The following ALS2 variants were observed in gnomAD, a reference collection of about 807,000 sequenced individuals.
The protein encoded by ALS2 is alsin Rho guanine nucleotide exchange factor ALS2.
ALS2 carries 117 observed loss-of-function variants against 203.4 expected under a neutral mutation model. The observed-to-expected ratio is 0.58, with a 90% CI of 0.50 to 0.67. ALS2 has a LOEUF of 0.67. Among genes scored for constraint, ALS2 ranks in the 30% least tolerant of loss-of-function variants. The pLI is 0.00. For synonymous variants in ALS2, 718 were observed against 725.9 expected (o/e 0.99, Z 0.17); for missense variants, 1,715 against 1,989.4 (o/e 0.86, Z 2.62).
Position 201,700,958 on chromosome 2 carries a change from G to A in ALS2, c.*893C>T, listed in dbSNP as rs3219174. ...GAAGTATAGGGAAGAACAACACCAG[G>A]CTGGGGATCGATGCAGTTTTTTGCT... On this transcript the variant is annotated 3_prime_UTR_variant, in exon 34 of 34. Transcript: ENST00000264276. 0.059 allele frequency: 8,958 copies of A among 152,336 alleles called. 373 individuals are homozygous for A. Among genetic ancestry groups the A allele is most frequent in the East Asian group, 0.24 (1,215 of 5,164 alleles). 9.4% of individuals were successfully genotyped at this position (152,336 alleles called of 1,614,324 possible). A position where few individuals can be genotyped will look rare whatever the true frequency, so the allele number is the denominator to read the frequency against.
intron 1 of ALS2, among the ~76,000 whole-genome samples, chr2:201,771,623 C>G (rs910524625): frequency 6.6e-6 from 1 of 152,122 alleles, no homozygotes; most frequent in Non-Finnish European, 1.5e-5. Flanking sequence ...AAATGAAAAA[C>G]TTTTGTCTTT....
chr2:201,764,679 AAAT>A (rs1559086835), intron 3 of ALS2, among the ~76,000 whole-genome samples: 4 of 145,136 alleles, frequency 2.8e-5, no homozygotes, highest in East Asian at 2.1e-4. Flanking sequence ...ATAAATAAAT[AAAT>A]AAAAGTGAAT....
intron 23 of ALS2, chr2:201,720,189 A>G: frequency 2.6e-6 from 1 of 387,762 alleles, no homozygotes; most frequent in Non-Finnish European, 4.9e-6. Flanking sequence ...ATTACCTCTC[A>G]TAAATATGAA....
intron 25 of ALS2, among the ~76,000 whole-genome samples, chr2:201,714,354 C>T (rs938030586): frequency 6.6e-6 from 1 of 152,202 alleles, no homozygotes; most frequent in African/African-American, 2.4e-5. Context: ...ACCCTGGGCA[C>T]TGAGTCTCTA....
chr2:201,703,479 T>C (rs938884821), intron 33 of ALS2, among the ~76,000 whole-genome samples: 1 of 152,222 alleles, frequency 6.6e-6, no homozygotes, highest in Admixed American at 6.5e-5. Context: ...TATTTTATCT[T>C]CATTATTGTA....
rs183864580 is a variant in ALS2, at chr2:201,757,358, G to A, written c.1471+44C>T. 4.0e-5 allele frequency: 60 copies of A among 1,517,494 alleles called. No individual in the cohort carries two copies. In the East Asian group the frequency reaches 1.3e-3, roughly 32 times the overall value. 94.0% of individuals were successfully genotyped at this position (1,517,494 alleles called of 1,614,324 possible). A position where few individuals can be genotyped will look rare whatever the true frequency, so the allele number is the denominator to read the frequency against. On this transcript the variant is annotated intron_variant, in intron 5 of 33. Coordinates refer to ENST00000264276, the MANE Select transcript of ALS2 (RefSeq NM_020919.4). ...CAGCATGCGATGTCAGGAGCATCCT[G>A]GATTCCCCAAAAGTCAATTCACAAA...
chr2:201,742,699 CA>C (rs1692358468), intron 10 of ALS2, among the ~76,000 whole-genome samples: 1 of 152,180 alleles, frequency 6.6e-6, no homozygotes, highest in South Asian at 2.1e-4. Flanking sequence ...AACACAAATG[CA>C]GACAGTCCTC....
intron 23 of ALS2, chr2:201,720,079 T>C (rs971982565): frequency 1.8e-5 from 7 of 392,898 alleles, no homozygotes; most frequent in East Asian, 9.1e-5. Flanking sequence ...TTTCAGAAAA[T>C]AGGGGAGGAG....
chr2:201,701,890 C>G lies in ALS2; in HGVS notation c.4936-1G>C. On this transcript the variant is annotated splice_acceptor_variant, in intron 33 of 33. Transcript: ENST00000264276. LOFTEE classifies it high-confidence loss of function. ...CACGCTGAATCTGGTAGTAACATGCCTGGAAGAAAAGTTCAAAATAATTTC... is the reference window on the plus strand; with the variant it reads ...CACGCTGAATCTGGTAGTAACATGCGTGGAAGAAAAGTTCAAAATAATTTC... 1 of 1,613,548 alleles carries G rather than the reference C, an allele frequency of 6.2e-7. No homozygotes were observed.
At position 201,746,675 on chromosome 2, in the gene ALS2, T is replaced by C; in HGVS notation, c.1889A>G (p.Asp630Gly). The part of the protein sequence containing the change: ...DYSLFLVDTE[D>G]FQPGLYYSGR... ...ACTGTAATATAACCCAGGCTGGAAGTCTTCTGTATCCACTAAAAACAGGGA... is the reference window on the plus strand; with the variant it reads ...ACTGTAATATAACCCAGGCTGGAAGCCTTCTGTATCCACTAAAAACAGGGA... Residue 630 changes from aspartate (D) to glycine (G), a missense_variant, in exon 9 of 34, where the codon GAC (aspartate) becomes GGC (glycine). Asp to Gly is a moderately conservative substitution (Grantham distance 94). Around this residue, in one of 3 missense-constraint regions of ALS2, gnomAD observed 1,227 missense variants for 1,413.5 expected, o/e 0.87. Transcript: ENST00000264276. 1 of 1,614,094 alleles carries C rather than the reference T, an allele frequency of 6.2e-7. No individual in the cohort carries two copies. The highest frequency in any genetic ancestry group is 1.3e-5 in the African/African-American group (1 of 75,008).
rs116630897 is a variant in ALS2, at chr2:201,731,399, A to G, written c.2580+1877T>C. Among the ~76,000 whole-genome samples, 897 of 152,232 alleles carry G rather than the reference A, an allele frequency of 5.9e-3. 5 individuals carry two copies. Among genetic ancestry groups the G allele is most frequent in the African/African-American group, 0.021 (876 of 41,552 alleles). ...TTCTGGAACCAGAGCCTGGATATTA[A>G]TTCTAGCTCTGCCAATTCTCAGCTG... On this transcript the variant is annotated intron_variant, in intron 13 of 33. Coordinates refer to ENST00000264276, the MANE Select transcript of ALS2 (RefSeq NM_020919.4).
At chr2:201,777,704 T>C (rs1694719894) in intron 1 of ALS2, among the ~76,000 whole-genome samples, 3 of 152,168 alleles carry the variant, frequency 2.0e-5, no homozygotes, top group African/African-American at 7.2e-5. Context: ...ATTCCCACGT[T>C]TTCATATTTA....
At chr2:201,715,267 C>T (rs183372024) in intron 25 of ALS2, among the ~76,000 whole-genome samples, 2 of 152,264 alleles carry the variant, frequency 1.3e-5, no homozygotes, top group Non-Finnish European at 2.9e-5. Context: ...TTTGTCACTC[C>T]TTGAGCCAGA....
At chr2:201,704,015 G>T in intron 33 of ALS2, 107 bp downstream of exon 33, 1 of 910,414 alleles carries the variant, frequency 1.1e-6, no homozygotes, top group Non-Finnish European at 1.8e-6. Context: ...GGCATTTAAG[G>T]TTTGCATTAA....
In ALS2 at chr2:201,727,268, T is replaced by C. The variant is rs770482791; in HGVS notation, c.2923A>G (p.Lys975Glu). 1.9e-6 allele frequency: 3 copies of C among 1,613,606 alleles called. No individual in the cohort carries two copies. The East Asian group carries it at 6.7e-5, about 36-fold the overall frequency. Residue 975 changes from lysine (K) to glutamate (E), a missense_variant, in exon 17 of 34, where the codon AAG becomes GAG. Lys to Glu is a moderately conservative substitution (Grantham distance 56). Around this residue, in one of 3 missense-constraint regions of ALS2, gnomAD observed 1,227 missense variants for 1,413.5 expected, o/e 0.87. Coordinates refer to ENST00000264276, the MANE Select transcript of ALS2 (RefSeq NM_020919.4). Reference protein sequence around the residue: ...SEEAGGVNGLKITTPEEQFTL... With the variant: ...SEEAGGVNGLEITTPEEQFTL... ...AACTGCTCCTCAGGTGTAGTTATCT[T>C]TAAGCCATTCCTAAAACGTTCACAA...
chr2:201,710,756 T>C (rs1689981731), intron 26 of ALS2, among the ~76,000 whole-genome samples: 1 of 152,232 alleles, frequency 6.6e-6, no homozygotes, highest in East Asian at 1.9e-4. Flanking sequence ...AACTCTAATC[T>C]TATTTCTTAA....
In ALS2 at chr2:201,707,011, G is replaced by A. The variant is rs201089588; in HGVS notation, c.4415C>T (p.Thr1472Met). ...CACAGGAAGCAATAATCCAGAACTC[G>A]TTACTACATAACTACAAAATAATGG... The part of the protein sequence containing the change: ...SESPEPGYVV[T>M]SSGLLLPVLL... The change falls in exon 29 of 34, where the codon ACG (threonine) becomes ATG (methionine). Residue 1472 changes from threonine to methionine, a missense_variant. By Grantham distance (81) the Thr-to-Met change is moderately conservative. Around this residue, in one of 3 missense-constraint regions of ALS2, gnomAD observed 1,227 missense variants for 1,413.5 expected, o/e 0.87. Coordinates refer to ENST00000264276, the MANE Select transcript of ALS2 (RefSeq NM_020919.4). 182 of 1,613,124 alleles carry A rather than the reference G, an allele frequency of 1.1e-4. 1 individual carries two copies. The highest frequency in any genetic ancestry group is 1.3e-4 in the South Asian group (12 of 91,016).
chr2:201,750,687 T>C (rs1692977664), intron 7 of ALS2, among the ~76,000 whole-genome samples: 1 of 152,126 alleles, frequency 6.6e-6, no homozygotes, highest in South Asian at 2.1e-4. Flanking sequence ...AGTACAAAAA[T>C]AAAAATAGAA....
intron 4 of ALS2, chr2:201,759,649 T>C (rs148098417): frequency 0.027 from 26,791 of 984,776 alleles, 435 homozygotes; most frequent in Non-Finnish European, 0.031. Flanking sequence ...CCAAACAGCT[T>C]ATCCTTGATT....
Sources: allele counts gnomAD v4.1 joint callset (sites outside exome capture counted in the v4.1 genomes callset), GRCh38; gene constraint gnomAD v4.1.1; regional missense constraint gnomAD v4.1.1; transcripts MANE v1.5; gene names NCBI Gene and HGNC (gene_info 2026-07-23, HGNC 2026-07-21).